SMYD3: variants seen among roughly 807,000 people sequenced by gnomAD.
The protein encoded by SMYD3 is SET and MYND domain containing 3.
SMYD3 carries 36 observed loss-of-function variants against 57.7 expected under a neutral mutation model. That is an observed-to-expected ratio of 0.62 (90% CI 0.48 to 0.82). The LOEUF is 0.82. Among genes scored for constraint, SMYD3 ranks in the 40% least tolerant of loss-of-function variants. SMYD3 has a pLI of 0.00. For missense variants in SMYD3, 515 were observed against 538.8 expected (o/e 0.96, Z 0.44); for synonymous variants, 211 against 195.0 (o/e 1.08, Z -0.68).
chr1:245,921,740 A>C (rs765269982), intron 7 of SMYD3, among the ~76,000 whole-genome samples: 1 of 152,168 alleles, frequency 6.6e-6, no homozygotes, highest in Non-Finnish European at 1.5e-5. Flanking sequence ...TATTTAGAGA[A>C]TCTATCGAAC....
At chr1:246,070,758 AT>A (rs1431945921) in intron 5 of SMYD3, among the ~76,000 whole-genome samples, 1 of 152,254 alleles carries the variant, frequency 6.6e-6, no homozygotes, top group Non-Finnish European at 1.5e-5. Context: ...GATGGTTTTA[AT>A]GGCATGCACC....
At chr1:246,141,773 A>G (rs1000914609) in intron 5 of SMYD3, among the ~76,000 whole-genome samples, 1 of 152,254 alleles carries the variant, frequency 6.6e-6, no homozygotes, top group Non-Finnish European at 1.5e-5. Flanking sequence ...TAGTAAACAC[A>G]TCTCCTGGAA....
chr1:246,227,956 CTTTTTTTTT>C (rs202246263), intron 5 of SMYD3, among the ~76,000 whole-genome samples: 56 of 115,574 alleles, frequency 4.8e-4, no homozygotes, highest in Admixed American at 5.4e-4. Flanking sequence ...ATTTTTATTC[CTTTTTTTTT>C]TTTTTTTTTT....
intron 1 of SMYD3, among the ~76,000 whole-genome samples, chr1:246,397,190 C>T (rs565066461): frequency 2.0e-5 from 3 of 152,290 alleles, no homozygotes; most frequent in South Asian, 4.2e-4. Context: ...GTCAGATCAG[C>T]GGCAGCATTA....
chr1:246,207,848 C>T (rs2063025011), intron 5 of SMYD3, among the ~76,000 whole-genome samples: 1 of 151,804 alleles, frequency 6.6e-6, no homozygotes, highest in South Asian at 2.1e-4. Flanking sequence ...TCTTCAATCT[C>T]AAGTTTTCAC....
Position 246,246,992 on chromosome 1 carries a change from G to T in SMYD3, c.531+80209C>A, listed in dbSNP as rs946896489. Among the ~76,000 whole-genome samples the T allele has an allele frequency of 3.3e-5, 5 of 152,094 alleles. No homozygotes were observed. The East Asian group carries it at 9.7e-4, about 29-fold the overall frequency. ...CTTCGTTAGTTATATGTTAAAATACGAAGATACACATCAAACTACTAAATC... is the reference window on the plus strand; with the variant it reads ...CTTCGTTAGTTATATGTTAAAATACTAAGATACACATCAAACTACTAAATC... On this transcript the variant is annotated intron_variant, in intron 5 of 11. Coordinates refer to ENST00000490107, the MANE Select transcript of SMYD3 (RefSeq NM_001167740.2).
intron 5 of SMYD3, among the ~76,000 whole-genome samples, chr1:246,227,977 T>C (rs77755797): frequency 1.9e-4 from 24 of 125,468 alleles, no homozygotes; most frequent in Admixed American, 2.6e-4. Context: ...TTTTTTTTTT[T>C]TGGAGACAAA....
At chr1:246,200,634 C>T (rs372215441) in intron 5 of SMYD3, among the ~76,000 whole-genome samples, 1 of 99,604 alleles carries the variant, frequency 1.0e-5, no homozygotes, top group Non-Finnish European at 2.1e-5. Context: ...AGGAGAACAG[C>T]GTAGACACTG....
intron 5 of SMYD3, among the ~76,000 whole-genome samples, chr1:246,162,411 T>C (rs1217119067): frequency 2.6e-5 from 4 of 152,222 alleles, no homozygotes; most frequent in Admixed American, 2.0e-4. Flanking sequence ...TTTCTGAAGA[T>C]TGCAGCCAAC....
At chr1:246,375,087 C>T (rs374364793) in intron 1 of SMYD3, among the ~76,000 whole-genome samples, 4 of 151,472 alleles carry the variant, frequency 2.6e-5, no homozygotes, top group African/African-American at 7.3e-5. Context: ...AGTAAGACTC[C>T]GTAGCAAAAA....
intron 5 of SMYD3, among the ~76,000 whole-genome samples, chr1:246,022,021 C>T (rs2059480430): frequency 6.6e-6 from 1 of 152,216 alleles, no homozygotes; most frequent in Non-Finnish European, 1.5e-5. Context: ...GAAACATGAA[C>T]ATCCACAGCA....
At chr1:246,283,684 T>C (rs994657780) in intron 5 of SMYD3, among the ~76,000 whole-genome samples, 3 of 152,234 alleles carry the variant, frequency 2.0e-5, no homozygotes, top group Non-Finnish European at 2.9e-5. Context: ...AGAAGAAATA[T>C]AATTGCCACA....
intron 5 of SMYD3, 83 bp from the exon 6 acceptor site, chr1:245,930,020 C>T: frequency 2.6e-6 from 3 of 1,160,152 alleles, no homozygotes; most frequent in Non-Finnish European, 3.9e-6. Flanking sequence ...CGTTCAAACC[C>T]AAATGTAGGA....
intron 5 of SMYD3, among the ~76,000 whole-genome samples, chr1:246,121,985 A>AAATGAGAG (rs2061431901): frequency 3.3e-5 from 5 of 152,178 alleles, no homozygotes; most frequent in African/African-American, 4.8e-5. Flanking sequence ...AAATAGTTCA[A>AAATGAGAG]TTTTAAAGGA....
chr1:245,907,642 G>A (rs75398633), intron 8 of SMYD3, among the ~76,000 whole-genome samples: 1,978 of 152,224 alleles, frequency 0.013, 39 homozygotes, highest in African/African-American at 0.045. Flanking sequence ...AGGAAGAGGA[G>A]AACAAAGGAT....
chr1:246,462,246 TG>T (rs2067810339), intron 1 of SMYD3, among the ~76,000 whole-genome samples: 1 of 80,702 alleles, frequency 1.2e-5, no homozygotes, highest in Non-Finnish European at 3.0e-5. Flanking sequence ...CGGGGCCTGC[TG>T]GGTACAGTGC....
At chr1:246,472,950 C>G (rs1046241726) in intron 1 of SMYD3, among the ~76,000 whole-genome samples, 1 of 150,876 alleles carries the variant, frequency 6.6e-6, no homozygotes, top group African/African-American at 2.4e-5. Context: ...CTGTGCCTCC[C>G]GGGTTCAAGT....
At chr1:245,904,201 C>T (rs551899071) in intron 8 of SMYD3, among the ~76,000 whole-genome samples, 50 of 152,174 alleles carry the variant, frequency 3.3e-4, no homozygotes, top group African/African-American at 8.9e-4. Context: ...TTTCCTGAGA[C>T]GGGGGTGAGT....
chr1:246,348,060 T>TATATATATATATATATATATATATA (rs1173574600), intron 2 of SMYD3, among the ~76,000 whole-genome samples: 7 of 82,970 alleles, frequency 8.4e-5, no homozygotes, highest in East Asian at 2.5e-4. Context: ...AAAGAAAACG[T>TATATATATATATATATATATATATA]TATATATATA....
Sources: gnomAD v4.1 joint callset for allele counts (sites outside exome capture counted in the v4.1 genomes callset) on GRCh38, gnomAD v4.1.1 for gene constraint, MANE v1.5 for transcripts, NCBI Gene and HGNC (gene_info 2026-07-23, HGNC 2026-07-21) for gene names.